SNRPF: variants seen among roughly 807,000 people sequenced by gnomAD.
The protein encoded by SNRPF is small nuclear ribonucleoprotein polypeptide F.
In SNRPF, 1 loss-of-function variant was observed where a neutral mutation model predicts 13.4. The ratio of observed to expected loss-of-function variants is 0.07; its 90% CI spans 0.03 to 0.35. The LOEUF is 0.35. Ranked by LOEUF, SNRPF falls within the 10% of genes least tolerant of loss-of-function variation. The probability of loss-of-function intolerance (pLI) is 0.99; values close to 1 mark genes in which losing one functional copy is unlikely to be tolerated. For synonymous variants in SNRPF, 27 were observed against 32.1 expected (o/e 0.84, Z 0.54); for missense variants, 53 against 101.0 (o/e 0.52, Z 2.04).
At chr12:95,861,344 C>T (rs759464468) in intron 2 of SNRPF, 51 bp downstream of exon 2, 13 of 1,547,110 alleles carry the variant, frequency 8.4e-6, no homozygotes, top group Admixed American at 7.0e-5. Context: ...TTTGCTTCAC[C>T]TTATTTCTCA....
At chr12:95,864,808 T>G (rs2079513398) in intron 2 of SNRPF, among the ~76,000 whole-genome samples, 2 of 152,174 alleles carry the variant, frequency 1.3e-5, no homozygotes, top group South Asian at 4.1e-4. Flanking sequence ...GCTCAGGAGA[T>G]TGAGGCAGGA....
chr12:95,860,936 T>G (rs1031944776), intron 1 of SNRPF, among the ~76,000 whole-genome samples: 1 of 151,296 alleles, frequency 6.6e-6, no homozygotes, highest in Non-Finnish European at 1.5e-5. Flanking sequence ...TCAGTGTATC[T>G]TAAGTGAATA....
rs1337159758 is a variant in SNRPF at position 95,858,982 on chromosome 12, G to A, written c.-92G>A. 7 of 1,585,004 alleles carry A rather than the reference G, an allele frequency of 4.4e-6. No homozygotes were observed. Among genetic ancestry groups the A allele is most frequent in the South Asian group, 1.1e-5 (1 of 87,244 alleles). On this transcript the variant is annotated 5_prime_UTR_variant, in exon 1 of 4. Transcript: ENST00000266735. Reference sequence around the variant, plus strand: ...TGGCGGCCATTTCTCTTGAAACTGCGGCTCGGGACCTGCGGTACCTGCTGT... The same window carrying A: ...TGGCGGCCATTTCTCTTGAAACTGCAGCTCGGGACCTGCGGTACCTGCTGT...
intron 1 of SNRPF, among the ~76,000 whole-genome samples, chr12:95,859,536 G>A (rs973525763): frequency 1.3e-5 from 2 of 152,194 alleles, no homozygotes; most frequent in Non-Finnish European, 1.5e-5. Context: ...GGCTGTGAGG[G>A]TGCGCGTTAG....
chr12:95,862,650 T>C (rs1009453919), intron 2 of SNRPF, among the ~76,000 whole-genome samples: 4 of 152,134 alleles, frequency 2.6e-5, no homozygotes, highest in African/African-American at 2.4e-5. Context: ...CTGGGGAGGT[T>C]GAAGCTGCAG....
rs746575333 is a variant in SNRPF, at chr12:95,866,087, A to AT, written c.*24dup. 99 of 1,276,932 alleles carry AT rather than the reference A, an allele frequency of 7.8e-5. No individual in the cohort carries two copies. Among genetic ancestry groups the AT allele is most frequent in the Middle Eastern group, 2.6e-4 (1 of 3,818 alleles). The allele number at this position is 1,276,932 out of a possible 1,614,324, so 79.1% of individuals were successfully genotyped here. A position where few individuals can be genotyped will look rare whatever the true frequency, so the allele number is the denominator to read the frequency against. On this transcript the variant is annotated 3_prime_UTR_variant, in exon 4 of 4. Coordinates refer to ENST00000266735, the MANE Select transcript of SNRPF (RefSeq NM_003095.5). Reference sequence around the variant, plus strand: ...GAGAGAATAGCATCTTTTGTGGGGGATTTTTTTTATATATATTTCTAGACA... The same window carrying AT: ...GAGAGAATAGCATCTTTTGTGGGGGATTTTTTTTTATATATATTTCTAGACA...
chr12:95,860,028 CAAGTTT>C (rs1240518532), intron 1 of SNRPF, among the ~76,000 whole-genome samples: 1 of 152,072 alleles, frequency 6.6e-6, no homozygotes, highest in Non-Finnish European at 1.5e-5. Context: ...GGTTAGTAGC[CAAGTTT>C]CTTAGTTCTC....
At chr12:95,859,922 G>A (rs2079486866) in intron 1 of SNRPF, among the ~76,000 whole-genome samples, 1 of 152,188 alleles carries the variant, frequency 6.6e-6, no homozygotes. Context: ...AGTTACTGTG[G>A]TGGATAACAA....
At position 95,865,883 on chromosome 12, in the gene SNRPF, A is replaced by T. The variant is rs112441105; in HGVS notation, c.195-122A>T. ...TTTTTAAAATGAATATATTTAAAAA[A>T]TTTTTTTAAAGACAAGAATATTATA... is the stretch of plus-strand genomic sequence containing the variant. On this transcript the variant is annotated intron_variant, in intron 3 of 3. Coordinates refer to ENST00000266735, the MANE Select transcript of SNRPF (RefSeq NM_003095.5). The T allele has an allele frequency of 6.0e-4, 246 of 409,164 alleles. No individual in the cohort carries two copies. In the East Asian group the frequency reaches 6.9e-3, roughly 12 times the overall value. 25.3% of individuals were successfully genotyped at this position (409,164 alleles called of 1,614,324 possible). A position where few individuals can be genotyped will look rare whatever the true frequency, so the allele number is the denominator to read the frequency against.
At chr12:95,863,588 G>A (rs762499057) in intron 2 of SNRPF, among the ~76,000 whole-genome samples, 8 of 152,156 alleles carry the variant, frequency 5.3e-5, no homozygotes, top group African/African-American at 1.9e-4. Flanking sequence ...TGTGAATATA[G>A]CATTGAACAA....
chr12:95,861,867 T>A (rs1014722825), intron 2 of SNRPF: 1 of 152,470 alleles, frequency 6.6e-6, no homozygotes, highest in African/African-American at 2.4e-5. Context: ...TTTAAGTGTA[T>A]AATTCAGTGG....
intron 1 of SNRPF, among the ~76,000 whole-genome samples, chr12:95,860,863 T>C (rs2079492499): frequency 6.6e-6 from 1 of 150,820 alleles, no homozygotes; most frequent in Non-Finnish European, 1.5e-5. Context: ...TTTTTTTTTT[T>C]TTTTTTTTTA....
Position 95,861,415 on chromosome 12 carries a change from CA to C in SNRPF, c.129+127del, listed in dbSNP as rs560707925. On this transcript the variant is annotated intron_variant, in intron 2 of 3. Transcript: ENST00000266735. Reference sequence around the variant, plus strand: ...AAATTGACAAATATACGGCAAAATTCAAAAATAAAGTCAAAGCCAGGAGGGA... The same window carrying C: ...AAATTGACAAATATACGGCAAAATTCAAAATAAAGTCAAAGCCAGGAGGGA... The C allele has an allele frequency of 1.1e-3, 988 of 938,950 alleles. 19 individuals are homozygous for C. The South Asian group carries it at 0.014, about 13-fold the overall frequency. The allele number at this position is 938,950 out of a possible 1,614,324, so 58.2% of individuals were successfully genotyped here.
chr12:95,860,243 A>G (rs968990181), intron 1 of SNRPF, among the ~76,000 whole-genome samples: 3 of 152,176 alleles, frequency 2.0e-5, no homozygotes, highest in African/African-American at 7.2e-5. Flanking sequence ...TTCCTTCTGT[A>G]GTTTTATATT....
At chr12:95,864,638 C>T (rs1271324732) in intron 2 of SNRPF, among the ~76,000 whole-genome samples, 3 of 152,192 alleles carry the variant, frequency 2.0e-5, no homozygotes, top group South Asian at 2.1e-4. Context: ...GATGTGATAG[C>T]TTATGCCTGT....
chr12:95,865,941 A>G (rs1438031157), intron 3 of SNRPF, 64 bp from the exon 4 acceptor site: 1 of 677,414 alleles, frequency 1.5e-6, no homozygotes. Context: ...TAATAAAAAT[A>G]TAGTAATTCA....
At chr12:95,862,868 G>C (rs1407340653) in intron 2 of SNRPF, among the ~76,000 whole-genome samples, 1 of 152,148 alleles carries the variant, frequency 6.6e-6, no homozygotes, top group Non-Finnish European at 1.5e-5. Context: ...GTGTGAAGTG[G>C]TATCTTATTG....
At chr12:95,863,903 A>T (rs552004046) in intron 2 of SNRPF, among the ~76,000 whole-genome samples, 94 of 152,328 alleles carry the variant, frequency 6.2e-4, no homozygotes, top group African/African-American at 2.1e-3. Flanking sequence ...GAGTTAAGGG[A>T]CGAATGACAG....
Position 95,865,371 on chromosome 12 carries a change from G to C in SNRPF, c.177G>C (p.Leu59=), listed in dbSNP as rs1592746578. The change falls in exon 3 of 4, where the codon CTG becomes CTC. Residue 59 remains leucine, a synonymous_variant. Coordinates refer to ENST00000266735, the MANE Select transcript of SNRPF (RefSeq NM_003095.5). ...TAGATGGAGCTTTGTCTGGACATCT[G>C]GGTGAAGTTTTAATAAGGTAACAAA... is the stretch of plus-strand genomic sequence containing the variant. ...EYIDGALSGH[L]GEVLIRCNNV... 1.3e-6 allele frequency: 2 copies of C among 1,564,886 alleles called. No homozygotes were observed. The highest frequency in any genetic ancestry group is 1.8e-6 in the Non-Finnish European group (2 of 1,136,322).
Sources: gnomAD v4.1 joint callset for allele counts (sites outside exome capture counted in the v4.1 genomes callset) on GRCh38, gnomAD v4.1.1 for gene constraint, MANE v1.5 for transcripts, NCBI Gene and HGNC (gene_info 2026-07-23, HGNC 2026-07-21) for gene names.